Variants in NRXN3 observed in about 807,000 individuals in gnomAD.
The protein encoded by NRXN3 is neurexin III.
Under a neutral mutation model 137.6 loss-of-function variants are expected in NRXN3, and 32 were observed. The ratio of observed to expected loss-of-function variants is 0.23; its 90% CI spans 0.18 to 0.31. NRXN3 has a LOEUF of 0.31. Among genes scored for constraint, NRXN3 ranks in the 10% least tolerant of loss-of-function variants. NRXN3 has a pLI of 1.00. For synonymous variants in NRXN3, 798 were observed against 784.5 expected, an observed-to-expected ratio of 1.02 and a Z score of -0.29; for missense variants, 1,574 against 2,062.5, an observed-to-expected ratio of 0.76 and a Z score of 4.59.
chr14:79,501,818 G>A (rs1055656363), intron 16 of NRXN3, among the ~76,000 whole-genome samples: 2 of 152,076 alleles, frequency 1.3e-5, no homozygotes, highest in African/African-American at 2.4e-5. Flanking sequence ...TAAAATGCTG[G>A]GAAGGCTACT....
intron 8 of NRXN3, among the ~76,000 whole-genome samples, chr14:78,725,328 A>T (rs2098478123): frequency 6.6e-6 from 1 of 152,260 alleles, no homozygotes; most frequent in Non-Finnish European, 1.5e-5. Flanking sequence ...TGTTGTAAAG[A>T]AAAGATAACT....
intron 15 of NRXN3, among the ~76,000 whole-genome samples, chr14:79,438,650 C>G (rs2095881370): frequency 6.6e-6 from 1 of 152,180 alleles, no homozygotes; most frequent in African/African-American, 2.4e-5. Context: ...CCAGTAACTT[C>G]TAGTTTTTAC....
chr14:78,887,061 T>C (rs1316621134), intron 10 of NRXN3, among the ~76,000 whole-genome samples: 3 of 152,126 alleles, frequency 2.0e-5, no homozygotes, highest in African/African-American at 7.2e-5. Context: ...ACATCTCAAC[T>C]GTGTTCTTTC....
intron 16 of NRXN3, among the ~76,000 whole-genome samples, chr14:79,656,328 C>T (rs1214331844): frequency 6.6e-6 from 1 of 152,166 alleles, no homozygotes; most frequent in Non-Finnish European, 1.5e-5. Context: ...GGTCTTGGCA[C>T]AGGGCTGGGG....
chr14:78,556,817 A>C (rs2096741005), intron 4 of NRXN3, among the ~76,000 whole-genome samples: 2 of 151,486 alleles, frequency 1.3e-5, no homozygotes, highest in African/African-American at 2.4e-5. Context: ...TCTCCCTAGC[A>C]GTTGATGGTA....
intron 1 of NRXN3, among the ~76,000 whole-genome samples, chr14:78,190,847 T>C (rs1422988739): frequency 2.6e-5 from 4 of 152,010 alleles, no homozygotes; most frequent in Non-Finnish European, 5.9e-5. Flanking sequence ...CTAATTTTTG[T>C]ATTTTTAGTA....
At chr14:79,122,832 T>C (rs2055685671) in intron 15 of NRXN3, among the ~76,000 whole-genome samples, 1 of 152,330 alleles carries the variant, frequency 6.6e-6, no homozygotes, top group South Asian at 2.1e-4. Flanking sequence ...TTCAAGTTTC[T>C]CACCTGTAAA....
intron 4 of NRXN3, among the ~76,000 whole-genome samples, chr14:78,555,906 G>A (rs947100941): frequency 2.0e-5 from 3 of 152,154 alleles, no homozygotes; most frequent in African/African-American, 7.2e-5. Flanking sequence ...AGATTCAAAG[G>A]TTGTCTTTTT....
intron 16 of NRXN3, among the ~76,000 whole-genome samples, chr14:79,474,385 G>A (rs1345458725): frequency 6.6e-6 from 1 of 152,054 alleles, no homozygotes; most frequent in Non-Finnish European, 1.5e-5. Context: ...TAGAAGGAAA[G>A]TTTTAGTTTA....
At chr14:78,212,833 TG>T (rs2062874998) in intron 1 of NRXN3, among the ~76,000 whole-genome samples, 1 of 152,322 alleles carries the variant, frequency 6.6e-6, no homozygotes, top group Non-Finnish European at 1.5e-5. Flanking sequence ...CTTTTGGTAG[TG>T]GAACTTTTTT....
At chr14:78,643,966 C>A (rs1033680510) in intron 4 of NRXN3, among the ~76,000 whole-genome samples, 2 of 151,888 alleles carry the variant, frequency 1.3e-5, no homozygotes, top group African/African-American at 4.8e-5. Flanking sequence ...CATGGTGAAA[C>A]CCTGTCTCTA....
intron 15 of NRXN3, among the ~76,000 whole-genome samples, chr14:79,101,892 A>G (rs1159647186): frequency 6.6e-6 from 1 of 152,184 alleles, no homozygotes; most frequent in Non-Finnish European, 1.5e-5. Flanking sequence ...AAACACAGAG[A>G]CAGGCACAGA....
At chr14:79,418,702 G>A (rs750384854) in intron 15 of NRXN3, among the ~76,000 whole-genome samples, 14 of 152,130 alleles carry the variant, frequency 9.2e-5, no homozygotes, top group South Asian at 2.1e-4. Flanking sequence ...GTTCATAGCC[G>A]TCACAAAAGG....
At position 78,293,851 on chromosome 14, in the gene NRXN3, C is replaced by G. The variant is rs1296719507; in HGVS notation, c.728-3980C>G. ...TATGAACTATGCATATGTATTCATTCCTTTATTTGTATAGCATGCTGTTAC... is the reference window on the plus strand; with the variant it reads ...TATGAACTATGCATATGTATTCATTGCTTTATTTGTATAGCATGCTGTTAC... On this transcript the variant is annotated intron_variant, in intron 3 of 20. Transcript: ENST00000335750. Among the ~76,000 whole-genome samples, 3 of 150,034 alleles carry G rather than the reference C, an allele frequency of 2.0e-5. No individual in the cohort carries two copies. In the East Asian group the frequency reaches 5.8e-4, roughly 29 times the overall value.
chr14:78,805,859 G>A (rs953753953), intron 9 of NRXN3, among the ~76,000 whole-genome samples: 22 of 152,120 alleles, frequency 1.4e-4, no homozygotes, highest in African/African-American at 2.4e-4. Flanking sequence ...ACTGGGGTCA[G>A]TGGGGGTACA....
intron 16 of NRXN3, among the ~76,000 whole-genome samples, chr14:79,657,706 A>G (rs1357719215): frequency 6.6e-6 from 1 of 152,204 alleles, no homozygotes; most frequent in Non-Finnish European, 1.5e-5. Flanking sequence ...ATTCTAAAGA[A>G]CTGCAGTAAA....
chr14:78,409,421 G>T (rs1196768121), intron 4 of NRXN3, among the ~76,000 whole-genome samples: 2 of 152,216 alleles, frequency 1.3e-5, no homozygotes, highest in Non-Finnish European at 2.9e-5. Context: ...AAGAGGCGTG[G>T]TCAGGGAGTA....
intron 4 of NRXN3, among the ~76,000 whole-genome samples, chr14:78,519,254 A>G (rs2096253708): frequency 6.6e-6 from 1 of 152,106 alleles, no homozygotes; most frequent in Non-Finnish European, 1.5e-5. Context: ...ACTTTGGCAA[A>G]CCGAGGTATC....
intron 4 of NRXN3, among the ~76,000 whole-genome samples, chr14:78,467,033 G>T (rs2095127770): frequency 6.6e-6 from 1 of 152,086 alleles, no homozygotes; most frequent in African/African-American, 2.4e-5. Flanking sequence ...TGACCTATAA[G>T]CTCTCTCTTT....
Sources: allele counts gnomAD v4.1 joint callset (sites outside exome capture counted in the v4.1 genomes callset), GRCh38; gene constraint gnomAD v4.1.1; transcripts MANE v1.5; gene names NCBI Gene and HGNC (gene_info 2026-07-23, HGNC 2026-07-21).